The following WDR70 variants were observed in gnomAD, a reference collection of about 807,000 sequenced individuals.
WDR70 encodes the protein WD repeat domain 70.
A neutral mutation model predicts 88.6 loss-of-function variants in WDR70; 53 were observed. The ratio of observed to expected loss-of-function variants is 0.60; its 90% CI spans 0.48 to 0.75. The LOEUF (loss-of-function observed/expected upper bound fraction) is 0.75. Among genes scored for constraint, WDR70 ranks in the 30% least tolerant of loss-of-function variants. The pLI is 0.00. For synonymous variants in WDR70, 280 were observed against 270.0 expected (o/e 1.04, Z -0.36); for missense variants, 610 against 823.2 (o/e 0.74, Z 3.17).
At chr5:37,485,820 T>C (rs1739846947) in intron 8 of WDR70, among the ~76,000 whole-genome samples, 1 of 150,886 alleles carries the variant, frequency 6.6e-6, no homozygotes, top group African/African-American at 2.4e-5. Flanking sequence ...GCCTCCCGAG[T>C]AGCTAAGACT....
intron 3 of WDR70, among the ~76,000 whole-genome samples, chr5:37,390,245 TAG>T (rs1484842049): frequency 4.0e-5 from 3 of 74,896 alleles, no homozygotes; most frequent in Non-Finnish European, 1.4e-4. Flanking sequence ...ATTAATGTAG[TAG>T]TTTTTTTTTT....
At chr5:37,487,617 A>ATTTTTT (rs1561871934) in intron 8 of WDR70, among the ~76,000 whole-genome samples, 3 of 43,760 alleles carry the variant, frequency 6.9e-5, no homozygotes, top group African/African-American at 1.5e-4. Flanking sequence ...ATATATATAT[A>ATTTTTT]TATATATGTA....
chr5:37,384,055 G>A (rs1748520644), intron 3 of WDR70, among the ~76,000 whole-genome samples: 1 of 151,330 alleles, frequency 6.6e-6, no homozygotes, highest in East Asian at 1.9e-4. Flanking sequence ...AAATATTTTT[G>A]TATATACCTT....
At chr5:37,645,618 T>G (rs1025135600) in intron 10 of WDR70, among the ~76,000 whole-genome samples, 4 of 152,098 alleles carry the variant, frequency 2.6e-5, no homozygotes, top group Admixed American at 1.3e-4. Flanking sequence ...TCTCTTTAGC[T>G]CCAGTAATGT....
intron 17 of WDR70, among the ~76,000 whole-genome samples, chr5:37,746,853 G>A (rs1455840568): frequency 6.6e-6 from 1 of 152,114 alleles, no homozygotes; most frequent in African/African-American, 2.4e-5. Context: ...AGAGAAGCTG[G>A]TACCATTCCT....
intron 7 of WDR70, among the ~76,000 whole-genome samples, chr5:37,471,522 G>T (rs757656268): frequency 8.6e-5 from 13 of 151,234 alleles, no homozygotes; most frequent in Non-Finnish European, 1.5e-4. Context: ...ACTTTCGTTG[G>T]TTAAATAGGA....
chr5:37,426,341 TCA>T (rs1171038006), intron 5 of WDR70, among the ~76,000 whole-genome samples: 3 of 152,368 alleles, frequency 2.0e-5, no homozygotes, highest in East Asian at 1.9e-4. Context: ...TGAGATTACT[TCA>T]CAGTTTGTTT....
At chr5:37,572,760 C>G (rs1207593256) in intron 9 of WDR70, among the ~76,000 whole-genome samples, 2 of 152,182 alleles carry the variant, frequency 1.3e-5, no homozygotes, top group African/African-American at 4.8e-5. Flanking sequence ...CTCAACAGAT[C>G]TTTCACTTGT....
In WDR70 at chr5:37,634,940, A is replaced by C. The variant is rs1267809378; in HGVS notation, c.1092+29702A>C. ...AGTTTAAAAGTCAATGAGTTAATTT[A>C]CTAATTTTGGGGGCTTGTATCCATG... On this transcript the variant is annotated intron_variant, in intron 10 of 17. Transcript: ENST00000265107. Among the ~76,000 whole-genome samples, 6 of 152,012 alleles carry C rather than the reference A, an allele frequency of 3.9e-5. No homozygotes were observed. The East Asian group carries it at 1.2e-3, about 29-fold the overall frequency.
intron 9 of WDR70, among the ~76,000 whole-genome samples, chr5:37,529,998 C>T (rs1741431360): frequency 6.6e-6 from 1 of 152,090 alleles, no homozygotes; most frequent in Non-Finnish European, 1.5e-5. Flanking sequence ...TATGTCCCTT[C>T]TATGTCAATT....
chr5:37,624,002 G>A (rs1744591556), intron 10 of WDR70, among the ~76,000 whole-genome samples: 1 of 152,062 alleles, frequency 6.6e-6, no homozygotes, highest in African/African-American at 2.4e-5. Flanking sequence ...GATCAAATCA[G>A]GGTAAGTAAC....
intron 10 of WDR70, among the ~76,000 whole-genome samples, chr5:37,679,475 T>C (rs552216134): frequency 1.2e-4 from 19 of 152,312 alleles, no homozygotes; most frequent in African/African-American, 4.1e-4. Context: ...TGCAGGTCTG[T>C]TGGAGTTTGC....
rs562382974 is a variant in WDR70 at position 37,561,295 on chromosome 5, G to A, written c.918-43769G>A. ...CTCTATCCTCTCTCTCAAAGTGCTA[G>A]AAAAATGGACCGATCTAACTAATAT... is the stretch of plus-strand genomic sequence containing the variant. On this transcript the variant is annotated intron_variant, in intron 9 of 17. Transcript: ENST00000265107. Among the ~76,000 whole-genome samples, 29 of 152,256 alleles carry A rather than the reference G, an allele frequency of 1.9e-4. 1 individual carries two copies. In the South Asian group the frequency reaches 5.2e-3, roughly 27 times the overall value.
chr5:37,702,547 A>G (rs954803628), intron 12 of WDR70, among the ~76,000 whole-genome samples: 3 of 152,206 alleles, frequency 2.0e-5, no homozygotes, highest in African/African-American at 7.2e-5. Flanking sequence ...AATAATCATT[A>G]CTTAGACATT....
At chr5:37,592,499 A>G (rs1191614552) in intron 9 of WDR70, among the ~76,000 whole-genome samples, 1 of 152,254 alleles carries the variant, frequency 6.6e-6, no homozygotes, top group Non-Finnish European at 1.5e-5. Context: ...GCACAGTAGC[A>G]TCACCAGAAT....
chr5:37,568,952 C>T (rs1050489601), intron 9 of WDR70, among the ~76,000 whole-genome samples: 1 of 152,106 alleles, frequency 6.6e-6, no homozygotes, highest in African/African-American at 2.4e-5. Context: ...CCTGCCTAAC[C>T]TACATGAGAA....
At chr5:37,728,177 A>G (rs1465420367) in intron 17 of WDR70, among the ~76,000 whole-genome samples, 4 of 151,884 alleles carry the variant, frequency 2.6e-5, no homozygotes, top group South Asian at 2.1e-4. Context: ...GTGAAAGCCC[A>G]TCACTACTAA....
intron 10 of WDR70, among the ~76,000 whole-genome samples, chr5:37,689,665 C>T (rs4618454): frequency 0.23 from 35,150 of 151,710 alleles, 4,931 homozygotes; most frequent in Admixed American, 0.37. Flanking sequence ...ATAGCATCAA[C>T]ATAAACAAAA....
intron 13 of WDR70, among the ~76,000 whole-genome samples, chr5:37,708,007 CTTAATA>C (rs1330969070): frequency 1.1e-5 from 1 of 94,692 alleles, no homozygotes; most frequent in Admixed American, 1.7e-4. Context: ...GATTGAAAAT[CTTAATA>C]TTAACATAAG....
Sources: allele counts gnomAD v4.1 joint callset (sites outside exome capture counted in the v4.1 genomes callset), GRCh38; gene constraint gnomAD v4.1.1; transcripts MANE v1.5; gene names NCBI Gene and HGNC (gene_info 2026-07-23, HGNC 2026-07-21).